LSM8: variants seen among roughly 807,000 people sequenced by gnomAD.
The protein encoded by LSM8 is LSM8 homolog, U6 small nuclear RNA associated.
Under a neutral mutation model 15.0 loss-of-function variants are expected in LSM8, and 14 were observed. That is an observed-to-expected ratio of 0.93 (90% CI 0.62 to 1.46). The LOEUF is 1.46. LSM8 is among the 40% of genes most tolerant of loss of function. The pLI is 0.00. For synonymous variants in LSM8, 50 were observed against 42.1 expected (o/e 1.19, Z -0.73); for missense variants, 90 against 115.4 (o/e 0.78, Z 1.01).
Position 118,195,638 on chromosome 7 carries a change from CA to C in LSM8, c.*3639del, listed in dbSNP as rs1460308927. 6.6e-6 allele frequency among the ~76,000 whole-genome samples: 1 copy of C among 151,888 alleles called. No individual in the cohort carries two copies. The highest frequency in any genetic ancestry group is 2.4e-5 in the African/African-American group (1 of 41,210). On this transcript the variant is annotated 3_prime_UTR_variant, in exon 4 of 4. Transcript: ENST00000249299. ...CTCAAGGAGTTTGAAAGTGTAAACTCAAAGGTCTTTCACATGTAAAGAGGAA... is the reference window on the plus strand; with the variant it reads ...CTCAAGGAGTTTGAAAGTGTAAACTCAAGGTCTTTCACATGTAAAGAGGAA...
Position 118,192,977 on chromosome 7 carries a change from A to G in LSM8, c.*975A>G, listed in dbSNP as rs960996967. Among the ~76,000 whole-genome samples, 3 of 152,130 alleles carry G rather than the reference A, an allele frequency of 2.0e-5. No homozygotes were observed. The highest frequency in any genetic ancestry group is 4.4e-5 in the Non-Finnish European group (3 of 68,002). ...GGCTAGTCCATAAAATTTCTGATCAACTCATGTATAGGCCCAAGTGTGTGT... is the reference window on the plus strand; with the variant it reads ...GGCTAGTCCATAAAATTTCTGATCAGCTCATGTATAGGCCCAAGTGTGTGT... On this transcript the variant is annotated 3_prime_UTR_variant, in exon 4 of 4. Transcript: ENST00000249299.
rs1809168855 is a variant in LSM8, at chr7:118,201,254, A to G, written c.*9252A>G. ...GATCATCTAGCTGAATTTCCTTTAT[A>G]TTAAAGAAGAGGAGAAAATCTTAAT... On this transcript the variant is annotated 3_prime_UTR_variant, in exon 4 of 4. Transcript: ENST00000249299. Among the ~76,000 whole-genome samples, 1 of 152,054 alleles carries G rather than the reference A, an allele frequency of 6.6e-6. No individual in the cohort carries two copies. The highest frequency in any genetic ancestry group is 2.1e-4 in the South Asian group (1 of 4,834).
Position 118,194,540 on chromosome 7 carries a change from C to T in LSM8, c.*2538C>T, listed in dbSNP as rs1247177631. 1.3e-5 allele frequency among the ~76,000 whole-genome samples: 2 copies of T among 152,090 alleles called. No homozygotes were observed. The highest frequency in any genetic ancestry group is 2.9e-5 in the Non-Finnish European group (2 of 67,976). Reference sequence around the variant, plus strand: ...TTTTACTAATATTTGCTTAAACATCCTGTTTAACAACTTTATAACATCCTT... The same window carrying T: ...TTTTACTAATATTTGCTTAAACATCTTGTTTAACAACTTTATAACATCCTT... On this transcript the variant is annotated 3_prime_UTR_variant, in exon 4 of 4. Coordinates refer to ENST00000249299, the MANE Select transcript of LSM8 (RefSeq NM_016200.5).
rs1331706269 is a variant in LSM8, at chr7:118,202,075, C to T, written c.*10073C>T. Among the ~76,000 whole-genome samples, 8 of 152,088 alleles carry T rather than the reference C, an allele frequency of 5.3e-5. No individual in the cohort carries two copies. Among genetic ancestry groups the T allele is most frequent in the African/African-American group, 1.9e-4 (8 of 41,438 alleles). On this transcript the variant is annotated 3_prime_UTR_variant, in exon 4 of 4. Coordinates refer to ENST00000249299, the MANE Select transcript of LSM8 (RefSeq NM_016200.5). Reference sequence around the variant, plus strand: ...CAGAGGAGGCAGTAATTTAGGACAGCTTAAACATTCTGGCTGACTGCCTCA... The same window carrying T: ...CAGAGGAGGCAGTAATTTAGGACAGTTTAAACATTCTGGCTGACTGCCTCA...
intron 2 of LSM8, among the ~76,000 whole-genome samples, chr7:118,187,997 T>G (rs746499685): frequency 1.3e-5 from 2 of 152,210 alleles, no homozygotes; most frequent in Non-Finnish European, 2.9e-5. Context: ...TTATGCTACT[T>G]ACTTGGAGAT....
Position 118,194,102 on chromosome 7 carries a change from T to C in LSM8, c.*2100T>C, listed in dbSNP as rs1809035651. On this transcript the variant is annotated 3_prime_UTR_variant, in exon 4 of 4. Transcript: ENST00000249299. ...AACCGATTAAAATTGGATTTATTTTTGCATGAGAATTGTAAGGGAGCCACA... is the reference window on the plus strand; with the variant it reads ...AACCGATTAAAATTGGATTTATTTTCGCATGAGAATTGTAAGGGAGCCACA... Among the ~76,000 whole-genome samples the C allele has an allele frequency of 6.6e-6, 1 of 152,144 alleles. No homozygotes were observed. The highest frequency in any genetic ancestry group is 1.5e-5 in the Non-Finnish European group (1 of 67,970).
chr7:118,185,253 GTTTTT>G (rs113235613), intron 1 of LSM8: 2 of 143,168 alleles, frequency 1.4e-5, no homozygotes, highest in African/African-American at 5.2e-5. Context: ...CTTTTTTTAA[GTTTTT>G]TTTTTTTTTT....
In LSM8 at chr7:118,199,198, TCCAAGTGTATCAATGAA is replaced by T. The variant is rs1280717284; in HGVS notation, c.*7199_*7215del. ...TAGCAGCTTTTCTGAGTCCTATGAT[TCCAAGTGTATCAATGAA>T]CCTCAGTATGATCTTGGGGACCCCC... On this transcript the variant is annotated 3_prime_UTR_variant, in exon 4 of 4. Coordinates refer to ENST00000249299, the MANE Select transcript of LSM8 (RefSeq NM_016200.5). Among the ~76,000 whole-genome samples the T allele has an allele frequency of 6.6e-6, 1 of 151,208 alleles. No homozygotes were observed. Among genetic ancestry groups the T allele is most frequent in the African/African-American group, 2.4e-5 (1 of 41,068 alleles).
rs1809066270 is a variant in LSM8 at position 118,195,682 on chromosome 7, TGTATA to T, written c.*3683_*3687del. On this transcript the variant is annotated 3_prime_UTR_variant, in exon 4 of 4. Coordinates refer to ENST00000249299, the MANE Select transcript of LSM8 (RefSeq NM_016200.5). Reference sequence around the variant, plus strand: ...AAGAGGAACCTCTCCATTCTGTACTTGTATAGTCATTACCTCATATAGATTTAATT... The same window carrying T: ...AAGAGGAACCTCTCCATTCTGTACTTGTCATTACCTCATATAGATTTAATT... 6.6e-6 allele frequency among the ~76,000 whole-genome samples: 1 copy of T among 152,202 alleles called. No individual in the cohort carries two copies. Among genetic ancestry groups the T allele is most frequent in the Admixed American group, 6.5e-5 (1 of 15,278 alleles).
At position 118,203,447 on chromosome 7, in the gene LSM8, A is replaced by G. The variant is rs537385707; in HGVS notation, c.*11445A>G. Among the ~76,000 whole-genome samples, 4 of 152,024 alleles carry G rather than the reference A, an allele frequency of 2.6e-5. No homozygotes were observed. In the South Asian group the frequency reaches 8.3e-4, roughly 31 times the overall value. ...CAAGCTGTAGACTTAAATTTTTTAA[A>G]TAGAGTAATGGTTGTTTAGTAGAGA... On this transcript the variant is annotated 3_prime_UTR_variant, in exon 4 of 4. Transcript: ENST00000249299.
At chr7:118,185,771 C>G in intron 2 of LSM8, 77 bp downstream of exon 2, 4 of 1,352,710 alleles carry the variant, frequency 3.0e-6, no homozygotes, top group Non-Finnish European at 4.2e-6. Context: ...CCTCTAATCT[C>G]TAATGCCTAG....
rs1388833033 is a variant in LSM8, at chr7:118,201,937, T to G, written c.*9935T>G. On this transcript the variant is annotated 3_prime_UTR_variant, in exon 4 of 4. Coordinates refer to ENST00000249299, the MANE Select transcript of LSM8 (RefSeq NM_016200.5). ...TTCCAGCACAAATTTTATAAACAAA[T>G]GCCCTGTGAATCTGCATGGCATAAA... Among the ~76,000 whole-genome samples, 1 of 152,108 alleles carries G rather than the reference T, an allele frequency of 6.6e-6. No homozygotes were observed. The highest frequency in any genetic ancestry group is 1.5e-5 in the Non-Finnish European group (1 of 68,002).
At chr7:118,187,219 T>A (rs1192711994) in intron 2 of LSM8, among the ~76,000 whole-genome samples, 4 of 152,244 alleles carry the variant, frequency 2.6e-5, no homozygotes, top group African/African-American at 9.6e-5. Context: ...CATTCTCATT[T>A]TATATATTTT....
At chr7:118,188,149 G>C (rs76071318) in intron 2 of LSM8, 129 bp from the exon 3 acceptor site, 99 of 1,013,604 alleles carry the variant, frequency 9.8e-5, no homozygotes, top group East Asian at 7.9e-4. Flanking sequence ...TATAAAAAAG[G>C]CATTTTATTT....
Position 118,191,968 on chromosome 7 carries a change from T to C in LSM8, c.257T>C (p.Ile86Thr). 6.2e-7 allele frequency: 1 copy of C among 1,612,952 alleles called. No homozygotes were observed. Among genetic ancestry groups the C allele is most frequent in the Non-Finnish European group, 8.5e-7 (1 of 1,179,254 alleles). The change falls in exon 4 of 4, where the codon ATT becomes ACT. Residue 86 changes from isoleucine to threonine, a missense_variant. Coordinates refer to ENST00000249299, the MANE Select transcript of LSM8 (RefSeq NM_016200.5). The part of the protein sequence containing the change: ...ETDSALDLGN[I>T]RAEPLNSVAH ...GATTCTGCGCTTGATTTGGGGAATA[T>C]TCGAGCAGAACCTTTAAATTCTGTA... is the stretch of plus-strand genomic sequence containing the variant.
At position 118,193,879 on chromosome 7, in the gene LSM8, G is replaced by A. The variant is rs1809030996; in HGVS notation, c.*1877G>A. Among the ~76,000 whole-genome samples the A allele has an allele frequency of 6.6e-6, 1 of 151,928 alleles. No individual in the cohort carries two copies. The highest frequency in any genetic ancestry group is 2.1e-4 in the South Asian group (1 of 4,820). Reference sequence around the variant, plus strand: ...ACCAGTCCTGTCCCTCATGATAATGGGTTTCTAATGTGATGTATTCTTGCA... The same window carrying A: ...ACCAGTCCTGTCCCTCATGATAATGAGTTTCTAATGTGATGTATTCTTGCA... On this transcript the variant is annotated 3_prime_UTR_variant, in exon 4 of 4. Transcript: ENST00000249299.
rs549458607 is a variant in LSM8, at chr7:118,199,750, TG to T, written c.*7749del. Among the ~76,000 whole-genome samples the T allele has an allele frequency of 3.1e-3, 473 of 152,166 alleles. 3 individuals are homozygous for T. Among genetic ancestry groups the T allele is most frequent in the Non-Finnish European group, 4.5e-3 (306 of 67,978 alleles). On this transcript the variant is annotated 3_prime_UTR_variant, in exon 4 of 4. Coordinates refer to ENST00000249299, the MANE Select transcript of LSM8 (RefSeq NM_016200.5). The stretch of plus-strand genomic sequence containing the variant: ...TAAGACAGGCTTTGAGAAATTCAAG[TG>T]TAGGGTAAGGCCACCTCCCCAGCAA...
intron 2 of LSM8, among the ~76,000 whole-genome samples, chr7:118,187,657 TCTGG>T (rs1296117353): frequency 3.3e-5 from 5 of 152,252 alleles, no homozygotes; most frequent in Admixed American, 6.5e-5. Context: ...GGTTTAGTGG[TCTGG>T]CTCAGGAGCT....
chr7:118,202,203 G>T lies in LSM8; in HGVS notation c.*10201G>T, dbSNP rs1291348185. ...TTGTGTCACACATAATGCTGATGAA[G>T]AAACCATGAAGTGTCATATGAAAGG... On this transcript the variant is annotated 3_prime_UTR_variant, in exon 4 of 4. Coordinates refer to ENST00000249299, the MANE Select transcript of LSM8 (RefSeq NM_016200.5). Among the ~76,000 whole-genome samples, 1 of 152,048 alleles carries T rather than the reference G, an allele frequency of 6.6e-6. No homozygotes were observed. The highest frequency in any genetic ancestry group is 1.5e-5 in the Non-Finnish European group (1 of 67,964).
Sources: allele counts gnomAD v4.1 joint callset (sites outside exome capture counted in the v4.1 genomes callset), GRCh38; gene constraint gnomAD v4.1.1; transcripts MANE v1.5; gene names NCBI Gene and HGNC (gene_info 2026-07-23, HGNC 2026-07-21).